TMEM44: variants seen among roughly 807,000 people sequenced by gnomAD.
TMEM44 encodes the protein transmembrane protein 44.
In TMEM44, 43 loss-of-function variants were observed where a neutral mutation model predicts 47.8. That is an observed-to-expected ratio of 0.90 (90% CI 0.70 to 1.16). TMEM44 has a LOEUF of 1.16. TMEM44 is among the 50% of genes most tolerant of loss of function. The pLI, the probability that TMEM44 is intolerant of heterozygous loss-of-function variation, is 0.00. For missense variants in TMEM44, 568 were observed against 555.2 expected, an observed-to-expected ratio of 1.02 and a Z score of -0.23; for synonymous variants, 277 against 238.8, an observed-to-expected ratio of 1.16 and a Z score of -1.48.
intron 4 of TMEM44, 101 bp downstream of exon 4, chr3:194,623,428 G>A: frequency 2.0e-6 from 3 of 1,508,412 alleles, no homozygotes; most frequent in Non-Finnish European, 2.7e-6. Context: ...TCCAACAAAG[G>A]AAGGCTTAAC....
In TMEM44 at chr3:194,628,599, C is replaced by T. The variant is rs150632464; in HGVS notation, c.138-90G>A. Reference sequence around the variant, plus strand: ...AAAAAGGGCAACTGTGACCCCGCATCGTCAGGGAGCTCTTTCTGCCCGAGG... The same window carrying T: ...AAAAAGGGCAACTGTGACCCCGCATTGTCAGGGAGCTCTTTCTGCCCGAGG... On this transcript the variant is annotated intron_variant, in intron 1 of 9. Transcript: ENST00000347147. The T allele has an allele frequency of 1.8e-4, 256 of 1,433,480 alleles. 1 individual carries two copies. The Middle Eastern group carries it at 4.0e-3, about 22-fold the overall frequency. 88.8% of individuals were successfully genotyped at this position (1,433,480 alleles called of 1,614,324 possible). A position where few individuals can be genotyped will look rare whatever the true frequency, so the allele number is the denominator to read the frequency against.
At chr3:194,624,491 T>C (rs902170208) in intron 3 of TMEM44, among the ~76,000 whole-genome samples, 1 of 151,714 alleles carries the variant, frequency 6.6e-6, no homozygotes, top group Admixed American at 6.6e-5. Context: ...CAATCACAGC[T>C]CACTGCAGCC....
At position 194,605,698 on chromosome 3, in the gene TMEM44, C is replaced by T. The variant is rs555879983; in HGVS notation, c.1018-1253G>A. Among the ~76,000 whole-genome samples the T allele has an allele frequency of 7.9e-4, 120 of 152,296 alleles. 1 individual carries two copies. The South Asian group carries it at 0.02, about 26-fold the overall frequency. On this transcript the variant is annotated intron_variant, in intron 8 of 9. Transcript: ENST00000347147. The stretch of plus-strand genomic sequence containing the variant: ...ACGTGGGAATTCAAGATGAGATTTG[C>T]GTGGGGACACATCCAAACCACATCA...
chr3:194,624,277 C>A (rs982403080), intron 3 of TMEM44, among the ~76,000 whole-genome samples: 1 of 151,630 alleles, frequency 6.6e-6, no homozygotes, highest in African/African-American at 2.4e-5. Context: ...GATCTCCCAC[C>A]TTGGCCTCAT....
chr3:194,604,286 C>A lies in TMEM44; in HGVS notation c.1176+1G>T. 6.3e-7 allele frequency: 1 copy of A among 1,576,906 alleles called. No homozygotes were observed. Among genetic ancestry groups the A allele is most frequent in the Non-Finnish European group, 8.6e-7 (1 of 1,162,152 alleles). On this transcript the variant is annotated splice_donor_variant, in intron 9 of 9. Coordinates refer to ENST00000347147, the MANE Select transcript of TMEM44 (RefSeq NM_001011655.3). LOFTEE classifies it high-confidence loss of function. The stretch of plus-strand genomic sequence containing the variant: ...CCGCCCAGCAGGCAACAGCCGTGTA[C>A]CTCCAGGTCGGAGTTGATGGAGGAG...
chr3:194,591,095 G>A (rs1180179555), intron 9 of TMEM44, among the ~76,000 whole-genome samples: 1 of 152,088 alleles, frequency 6.6e-6, no homozygotes, highest in Non-Finnish European at 1.5e-5. Flanking sequence ...TTGGGAGGCT[G>A]ACACAAGAGA....
At chr3:194,628,254 G>A (rs1560201976) in intron 2 of TMEM44, 129 bp downstream of exon 2, 1 of 1,289,800 alleles carries the variant, frequency 7.8e-7, no homozygotes, top group East Asian at 2.7e-5. Flanking sequence ...CCAGGCACAG[G>A]TTCTGAGGTG....
intron 9 of TMEM44, 81 bp from the exon 10 acceptor site, chr3:194,588,720 A>G: frequency 1.5e-6 from 2 of 1,357,334 alleles, no homozygotes; most frequent in Admixed American, 3.4e-5. Flanking sequence ...CCCAAACAAA[A>G]GCTCCAATCT....
At chr3:194,617,684 G>A (rs1410263824) in intron 5 of TMEM44, 15 of 703,970 alleles carry the variant, frequency 2.1e-5, no homozygotes, top group Non-Finnish European at 2.6e-5. Flanking sequence ...GCCAATGTCC[G>A]CTGGGAGAAC....
At chr3:194,614,946 G>A (rs1715717439) in intron 7 of TMEM44, among the ~76,000 whole-genome samples, 1 of 152,086 alleles carries the variant, frequency 6.6e-6, no homozygotes. Flanking sequence ...TTTTTAAAGT[G>A]ACCAACTGGG....
In TMEM44 at chr3:194,594,590, A is replaced by T. The variant is rs182932863; in HGVS notation, c.1177-5951T>A. 7.1e-3 allele frequency among the ~76,000 whole-genome samples: 1,080 copies of T among 152,138 alleles called. 13 individuals are homozygous for T. The highest frequency in any genetic ancestry group is 0.022 in the African/African-American group (926 of 41,486). ...TAGTGATAATTCCTTAGCATTCTTCATCTAACACTATCCTGCTGAGGGAAC... is the reference window on the plus strand; with the variant it reads ...TAGTGATAATTCCTTAGCATTCTTCTTCTAACACTATCCTGCTGAGGGAAC... On this transcript the variant is annotated intron_variant, in intron 9 of 9. Transcript: ENST00000347147.
At chr3:194,623,737 G>C in intron 3 of TMEM44, 42 bp from the exon 4 acceptor site, 2 of 1,611,406 alleles carry the variant, frequency 1.2e-6, no homozygotes, top group Non-Finnish European at 1.7e-6. Context: ...CTGGAAGCCA[G>C]ACCTTGTCAG....
chr3:194,631,162 G>A (rs1717783161), intron 1 of TMEM44, among the ~76,000 whole-genome samples: 1 of 151,624 alleles, frequency 6.6e-6, no homozygotes, highest in South Asian at 2.1e-4. Flanking sequence ...TCCCGAAGGG[G>A]CTGGCTGTTT....
In TMEM44 at chr3:194,628,418, C is replaced by T. The variant is rs778752232; in HGVS notation, c.229G>A (p.Val77Ile). 1.6e-5 allele frequency: 26 copies of T among 1,612,504 alleles called. No homozygotes were observed. Among genetic ancestry groups the T allele is most frequent in the East Asian group, 6.7e-5 (3 of 44,874 alleles). ...CCLLTSLCDTVGALLARQLTI... is the reference protein window; with the variant it reads ...CCLLTSLCDTIGALLARQLTI... Reference sequence around the variant, plus strand: ...AGCTGTCTGGCCAGAAGAGCCCCGACGGTGTCACACAGACTGGTCAGGAGG... The same window carrying T: ...AGCTGTCTGGCCAGAAGAGCCCCGATGGTGTCACACAGACTGGTCAGGAGG... The change falls in exon 2 of 10, where the codon GTC becomes ATC. Residue 77 changes from valine to isoleucine, a missense_variant. Val to Ile is a conservative substitution (Grantham distance 29, BLOSUM62 3). Coordinates refer to ENST00000347147, the MANE Select transcript of TMEM44 (RefSeq NM_001011655.3).
chr3:194,625,069 A>C (rs1309353679), intron 3 of TMEM44, among the ~76,000 whole-genome samples: 1 of 151,994 alleles, frequency 6.6e-6, no homozygotes, highest in East Asian at 1.9e-4. Context: ...GACCCTTCTC[A>C]AGAAGCCGCA....
chr3:194,604,045 G>A (rs1203435508), intron 9 of TMEM44, among the ~76,000 whole-genome samples: 6 of 151,952 alleles, frequency 3.9e-5, no homozygotes, highest in Non-Finnish European at 4.4e-5. Flanking sequence ...GTAGAGATAA[G>A]GTTTTGCCAT....
At chr3:194,598,892 C>T (rs1713735517) in intron 9 of TMEM44, among the ~76,000 whole-genome samples, 1 of 151,990 alleles carries the variant, frequency 6.6e-6, no homozygotes, top group South Asian at 2.1e-4. Flanking sequence ...GGCCCACAGG[C>T]CCCGACAGTG....
chr3:194,591,729 C>T (rs1423917217), intron 9 of TMEM44, among the ~76,000 whole-genome samples: 1 of 151,162 alleles, frequency 6.6e-6, no homozygotes, highest in African/African-American at 2.4e-5. Context: ...CCTTAGTATC[C>T]TGAGTAGCTG....
intron 9 of TMEM44, among the ~76,000 whole-genome samples, chr3:194,595,627 T>TC (rs10632617): frequency 0.49 from 70,963 of 144,934 alleles, 17,957 homozygotes; most frequent in African/African-American, 0.59. Context: ...TCATTCTCTA[T>TC]TTTTTTTTTT....
Sources: allele counts gnomAD v4.1 joint callset (sites outside exome capture counted in the v4.1 genomes callset), GRCh38; gene constraint gnomAD v4.1.1; transcripts MANE v1.5; gene names NCBI Gene and HGNC (gene_info 2026-07-23, HGNC 2026-07-21).